Variants in POLR2F observed in about 807,000 individuals in gnomAD.
POLR2F encodes DNA-directed RNA polymerases I, II, and III subunit RPABC2.
Under a neutral mutation model 22.7 loss-of-function variants are expected in POLR2F, and 12 were observed. The observed-to-expected ratio is 0.53, with a 90% confidence interval of 0.34 to 0.86. The LOEUF is 0.86. Ranked by LOEUF, POLR2F falls within the 40% of genes least tolerant of loss-of-function variation. The probability of loss-of-function intolerance (pLI) is 0.02; values close to 1 mark genes in which losing one functional copy is unlikely to be tolerated. For missense variants in POLR2F, 126 were observed against 171.5 expected, an observed-to-expected ratio of 0.73 and a Z score of 1.48; for synonymous variants, 57 against 66.0, an observed-to-expected ratio of 0.86 and a Z score of 0.66.
At chr22:37,982,496 T>C (rs1932430984), upstream of POLR2F, among the ~76,000 whole-genome samples, 1 of 152,126 alleles carries the variant, frequency 6.6e-6, no homozygotes, top group African/African-American at 2.4e-5. Flanking sequence ...GGGGGATGTT[T>C]TTCCTAGAGG....
At chr22:38,041,041 C>T (rs758504039) in intron 5 of POLR2F, 31 of 1,612,682 alleles carry the variant, frequency 1.9e-5, no homozygotes, top group East Asian at 8.9e-5. Context: ...AAGACGGCAC[C>T]GTAGTTATCC....
At chr22:38,020,710 C>G (rs1372994580) in intron 1 of POLR2F, among the ~76,000 whole-genome samples, 2 of 151,838 alleles carry the variant, frequency 1.3e-5, no homozygotes, top group Admixed American at 6.6e-5. Flanking sequence ...CCACTGCACT[C>G]TAGCCTGGGC....
At chr22:38,019,592 CAGAG>C (rs1330602820) in intron 1 of POLR2F, among the ~76,000 whole-genome samples, 2 of 152,158 alleles carry the variant, frequency 1.3e-5, no homozygotes, top group African/African-American at 4.8e-5. Context: ...CTGCCCAAGG[CAGAG>C]AGAGGGAGGG....
chr22:37,957,039 T>C, intron 2 of POLR2F, 197 bp downstream of exon 2: 3 of 615,268 alleles, frequency 4.9e-6, no homozygotes, highest in South Asian at 1.9e-5. Flanking sequence ...CTTTTGTCCA[T>C]GTGGTCCACA....
chr22:38,026,158 A>C (rs775498873), intron 2 of POLR2F: 1 of 533,282 alleles, frequency 1.9e-6, no homozygotes, highest in East Asian at 5.4e-5. Context: ...GTAGGCGGGC[A>C]CCAGGTTGGG....
At position 37,967,671 on chromosome 22, in the gene POLR2F, A is replaced by G; in HGVS notation, c.340A>G (p.Ser114Gly). 6.2e-7 allele frequency: 1 copy of G among 1,613,798 alleles called. No homozygotes were observed. Among genetic ancestry groups the G allele is most frequent in the Non-Finnish European group, 8.5e-7 (1 of 1,179,898 alleles). The change falls in exon 5 of 5, where the codon AGC becomes GGC. Residue 114 changes from serine to glycine, a missense_variant. By Grantham distance (56) the Ser-to-Gly change is moderately conservative (BLOSUM62 0). Coordinates refer to ENST00000442738, the MANE Select transcript of POLR2F (RefSeq NM_021974.5). ...CATTCGCCGTTACCTGCCAGATGGG[A>G]GCTATGAAGACTGGGGGGTGGACGA... The part of the protein sequence containing the change: ...IIIRRYLPDG[S>G]YEDWGVDELI...
intron 1 of POLR2F, chr22:37,987,129 G>A (rs1326361758): frequency 4.4e-6 from 2 of 456,726 alleles, no homozygotes; most frequent in East Asian, 1.4e-4. Flanking sequence ...GTGTCTGGTA[G>A]GCTCTATGAC....
At chr22:37,977,938 C>T (rs1932271968) in intron 4 of POLR2F, 1 of 1,612,820 alleles carries the variant, frequency 6.2e-7, no homozygotes, top group South Asian at 1.1e-5. Flanking sequence ...CAAGTGGGCG[C>T]TCTTGTAGTG....
chr22:37,974,071 G>A (rs200437243), downstream of POLR2F: 547 of 1,614,012 alleles, frequency 3.4e-4, no homozygotes, highest in Admixed American at 4.7e-4. This position sits in a 1 kb window ranked among gnomAD's most constrained non-coding sequence, Gnocchi z 5.4. Context: ...CAATGTCCAC[G>A]TTGCCGAAGT....
intron 1 of POLR2F, among the ~76,000 whole-genome samples, chr22:38,024,814 G>T (rs1210937541): frequency 1.3e-5 from 2 of 152,084 alleles, no homozygotes; most frequent in East Asian, 3.9e-4. Context: ...GACTCTGCCT[G>T]CTCCTACAGT....
Position 37,967,710 on chromosome 22 carries a change from G to A in POLR2F, c.379G>A (p.Asp127Asn), listed in dbSNP as rs781268520. The A allele has an allele frequency of 3.8e-5, 62 of 1,612,872 alleles. No homozygotes were observed. Among genetic ancestry groups the A allele is most frequent in the Non-Finnish European group, 4.9e-5 (58 of 1,179,568 alleles). ...DWGVDELIIT[D>N] ...GGGGGTGGACGAGCTCATCATCACC[G>A]ACTGAGCTGGAGTCATCTTCCTGCC... Residue 127 changes from aspartate (D) to asparagine (N), a missense_variant, in exon 5 of 5, where the codon GAC (aspartate) becomes AAC (asparagine). Physicochemically the swap from Asp to Asn is conservative, Grantham distance 23 (BLOSUM62 1). Transcript: ENST00000442738.
chr22:37,992,000 C>T (rs558070440), intron 1 of POLR2F, among the ~76,000 whole-genome samples: 32 of 152,284 alleles, frequency 2.1e-4, no homozygotes, highest in African/African-American at 7.2e-4. Flanking sequence ...AATGAGCATG[C>T]GCTCCTGAGT....
chr22:37,989,361 G>C lies in POLR2F; in HGVS notation c.120+3049G>C, dbSNP rs1932673756. 1.3e-5 allele frequency among the ~76,000 whole-genome samples: 2 copies of C among 152,194 alleles called. 1 individual carries two copies. The highest frequency in any genetic ancestry group is 4.1e-4 in the South Asian group (2 of 4,838). ...TCATTTAGCTATTAGGCCAGCACTG[G>C]GAGGTGTGGAGGATGCTCACCTCAG... On this transcript the variant is annotated intron_variant, in intron 1 of 2. Coordinates refer to the POLR2F transcript ENST00000333418.
chr22:38,040,475 C>T (rs1445279068), intron 5 of POLR2F: 1 of 153,510 alleles, frequency 6.5e-6, no homozygotes, highest in Non-Finnish European at 1.4e-5. Flanking sequence ...TCCTGAGGAC[C>T]AAGGGTGGCC....
At chr22:38,040,906 A>G in intron 5 of POLR2F, 1 of 1,099,878 alleles carries the variant, frequency 9.1e-7, no homozygotes, top group Admixed American at 2.0e-5. Context: ...ACATGGGGGC[A>G]AGGACCCTGG....
chr22:37,966,683 TG>T (rs1931864908), intron 3 of POLR2F, among the ~76,000 whole-genome samples: 1 of 151,980 alleles, frequency 6.6e-6, no homozygotes, highest in African/African-American at 2.4e-5. Flanking sequence ...GAGAATTGCT[TG>T]AGCCTGGGAG....
chr22:38,028,701 G>A (rs988504995), downstream of POLR2F, among the ~76,000 whole-genome samples: 1 of 152,164 alleles, frequency 6.6e-6, no homozygotes, highest in Non-Finnish European at 1.5e-5. Context: ...GTCCCTCTGT[G>A]GGATGGGGAG....
intron 1 of POLR2F, chr22:37,987,012 C>T: frequency 2.2e-6 from 1 of 455,968 alleles, no homozygotes; most frequent in South Asian, 1.5e-5. Flanking sequence ...TCCCTTTACC[C>T]CCTCATTCTT....
intron 1 of POLR2F, among the ~76,000 whole-genome samples, chr22:38,019,064 C>T (rs2084938403): frequency 6.6e-6 from 1 of 151,590 alleles, no homozygotes; most frequent in South Asian, 2.1e-4. Context: ...AGAGGTTGGA[C>T]CAAGAGAGAA....
Sources: gnomAD v4.1 joint callset for allele counts (sites outside exome capture counted in the v4.1 genomes callset) on GRCh38, gnomAD v4.1.1 for gene constraint, Gnocchi (gnomAD v3.1) non-coding constraint, MANE v1.5 for transcripts, NCBI Gene and HGNC (gene_info 2026-07-23, HGNC 2026-07-21) for gene names.